SWT1: variants seen among roughly 807,000 people sequenced by gnomAD.
SWT1 encodes transcriptional protein SWT1.
Under a neutral mutation model 107.3 loss-of-function variants are expected in SWT1, and 33 were observed. That is an observed-to-expected ratio of 0.31 (90% CI 0.23 to 0.41). The LOEUF (loss-of-function observed/expected upper bound fraction) is 0.41. Among genes scored for constraint, SWT1 ranks in the 10% least tolerant of loss-of-function variants. The probability of loss-of-function intolerance (pLI) is 1.00; values close to 1 mark genes in which losing one functional copy is unlikely to be tolerated. For synonymous variants in SWT1, 345 were observed against 348.3 expected (o/e 0.99, Z 0.11); for missense variants, 898 against 1,028.9 (o/e 0.87, Z 1.74).
chr1:185,165,844 C>G (rs1654524655), intron 2 of SWT1, among the ~76,000 whole-genome samples: 2 of 152,032 alleles, frequency 1.3e-5, no homozygotes, highest in South Asian at 2.1e-4. Context: ...CCCCTTTGAG[C>G]TGAAAAAACT....
intron 16 of SWT1, among the ~76,000 whole-genome samples, chr1:185,241,892 G>A (rs1287566305): frequency 6.6e-6 from 1 of 152,172 alleles, no homozygotes; most frequent in East Asian, 1.9e-4. Flanking sequence ...CTGGAAGAGA[G>A]AGAGATTAAG....
intron 16 of SWT1, among the ~76,000 whole-genome samples, chr1:185,232,093 G>T (rs12045113): frequency 6.6e-6 from 1 of 151,946 alleles, no homozygotes; most frequent in East Asian, 1.9e-4. Context: ...AGGCATTTTT[G>T]CCTTGTTAAT....
At chr1:185,230,872 C>G (rs2102567508) in intron 15 of SWT1, among the ~76,000 whole-genome samples, 1 of 152,158 alleles carries the variant, frequency 6.6e-6, no homozygotes, top group East Asian at 1.9e-4. Flanking sequence ...CTTAGCCTCC[C>G]AAGTAGCTGG....
chr1:185,283,965 TATAATTATTTTCCA>T (rs1271474813), intron 18 of SWT1, among the ~76,000 whole-genome samples: 4 of 152,212 alleles, frequency 2.6e-5, no homozygotes, highest in African/African-American at 9.6e-5. Context: ...TTTGAATTCT[TATAATTATTTTCCA>T]TTTTGGGGGT....
intron 16 of SWT1, among the ~76,000 whole-genome samples, chr1:185,249,231 T>C (rs1661834090): frequency 6.6e-6 from 1 of 152,140 alleles, no homozygotes; most frequent in Non-Finnish European, 1.5e-5. Flanking sequence ...TCCCACCATA[T>C]GAGGTGGAAG....
At chr1:185,208,545 A>G (rs1374793068) in intron 13 of SWT1, among the ~76,000 whole-genome samples, 1 of 152,194 alleles carries the variant, frequency 6.6e-6, no homozygotes, top group Admixed American at 6.5e-5. Flanking sequence ...AAGGTCATAG[A>G]TATGCTAATT....
In SWT1 at chr1:185,191,805, A is replaced by C. The variant is rs12074509; in HGVS notation, c.1523+1163A>C. Among the ~76,000 whole-genome samples the C allele has an allele frequency of 9.7e-3, 1,471 of 152,276 alleles. 24 individuals are homozygous for C. The highest frequency in any genetic ancestry group is 0.033 in the African/African-American group (1,388 of 41,574). On this transcript the variant is annotated intron_variant, in intron 10 of 18. Transcript: ENST00000367500. Reference sequence around the variant, plus strand: ...AGCTTAGAATGAAAATTAAATTGACAAAACTTTATCAATTCTCCATTATTT... The same window carrying C: ...AGCTTAGAATGAAAATTAAATTGACCAAACTTTATCAATTCTCCATTATTT...
chr1:185,158,876 G>T (rs555156220), intron 1 of SWT1, among the ~76,000 whole-genome samples: 39 of 152,304 alleles, frequency 2.6e-4, no homozygotes, highest in Middle Eastern at 3.4e-3. Context: ...ATCTGGCTTT[G>T]GGTCTCCTGA....
Position 185,221,836 on chromosome 1 carries a change from C to A in SWT1, c.2122-13C>A. ...AGAACTAGCTGCATTTTATGTAATT[C>A]TTATTTCCCCAGGTCAAGACAAAAC... On this transcript the variant is annotated splice_polypyrimidine_tract_variant and intron_variant, in intron 14 of 18. Transcript: ENST00000367500. 6.6e-7 allele frequency: 1 copy of A among 1,525,820 alleles called. No individual in the cohort carries two copies. Among genetic ancestry groups the A allele is most frequent in the Non-Finnish European group, 8.8e-7 (1 of 1,139,312 alleles). The allele number at this position is 1,525,820 out of a possible 1,614,324, so 94.5% of individuals were successfully genotyped here. A position where few individuals can be genotyped will look rare whatever the true frequency, so the allele number is the denominator to read the frequency against.
At chr1:185,161,228 C>T (rs1211099209) in intron 2 of SWT1, among the ~76,000 whole-genome samples, 2 of 152,108 alleles carry the variant, frequency 1.3e-5, no homozygotes, top group Admixed American at 6.5e-5. Context: ...CCTTAAATCC[C>T]CTCATTCTTA....
chr1:185,213,555 A>G lies in SWT1; in HGVS notation c.1973-952A>G, dbSNP rs75771543. Among the ~76,000 whole-genome samples, 904 of 152,268 alleles carry G rather than the reference A, an allele frequency of 5.9e-3. 34 individuals carry two copies. The East Asian group carries it at 0.096, about 16-fold the overall frequency. On this transcript the variant is annotated intron_variant, in intron 13 of 18. Coordinates refer to ENST00000367500, the MANE Select transcript of SWT1 (RefSeq NM_017673.7). ...AAGTTCTTGTGTAAGTGATACAGAG[A>G]AACTCCTTATTGTTTTTTAAACTCA... is the stretch of plus-strand genomic sequence containing the variant.
At chr1:185,206,535 A>C in intron 12 of SWT1, 90 bp from the exon 13 acceptor site, 1 of 736,646 alleles carries the variant, frequency 1.4e-6, no homozygotes, top group East Asian at 3.1e-5. Flanking sequence ...TATTTTGCTC[A>C]AAATATATGT....
intron 18 of SWT1, among the ~76,000 whole-genome samples, chr1:185,287,380 G>A (rs1429335242): frequency 6.6e-6 from 1 of 152,132 alleles, no homozygotes; most frequent in Admixed American, 6.5e-5. Context: ...GCAACCTCCA[G>A]TTTTGAGCTC....
chr1:185,290,737 T>C lies in SWT1; in HGVS notation c.2637T>C (p.Asn879=), dbSNP rs1405673659. The change falls in exon 19 of 19, where the codon AAT becomes AAC. Residue 879 remains asparagine, a synonymous_variant. Coordinates refer to ENST00000367500, the MANE Select transcript of SWT1 (RefSeq NM_017673.7). ...TGGAATATACCATGCAGCAGTGCAA[T>C]GCATCTGTTTATATGGAGGCCAAAA... ...VEMEYTMQQC[N]ASVYMEAKNR... is the part of the protein sequence containing the mutation. 1 of 1,611,786 alleles carries C rather than the reference T, an allele frequency of 6.2e-7. No individual in the cohort carries two copies. The highest frequency in any genetic ancestry group is 8.5e-7 in the Non-Finnish European group (1 of 1,178,506).
At chr1:185,268,479 G>A (rs1337335546) in intron 16 of SWT1, among the ~76,000 whole-genome samples, 12 of 152,062 alleles carry the variant, frequency 7.9e-5, no homozygotes, top group African/African-American at 2.9e-4. Context: ...TTTCTTTCAT[G>A]CCCTCTTTAG....
chr1:185,191,250 C>T lies in SWT1; in HGVS notation c.1523+608C>T, dbSNP rs1656923770. Among the ~76,000 whole-genome samples, 3 of 152,062 alleles carry T rather than the reference C, an allele frequency of 2.0e-5. No individual in the cohort carries two copies. In the South Asian group the frequency reaches 6.2e-4, roughly 32 times the overall value. The stretch of plus-strand genomic sequence containing the variant: ...AAGTTTTCTCCCTCCTTCTCCCTTC[C>T]CCCTGCTTCTTCCCTCCCTACTAAT... On this transcript the variant is annotated intron_variant, in intron 10 of 18. Transcript: ENST00000367500.
intron 9 of SWT1, among the ~76,000 whole-genome samples, chr1:185,185,786 C>T (rs539913227): frequency 2.6e-5 from 4 of 152,102 alleles, no homozygotes; most frequent in Admixed American, 6.5e-5. Flanking sequence ...TTTGTTTAGT[C>T]TTAAAATTTT....
chr1:185,166,918 T>A (rs72741817), intron 3 of SWT1, among the ~76,000 whole-genome samples: 14,489 of 151,884 alleles, frequency 0.095, 906 homozygotes, highest in African/African-American at 0.18. Flanking sequence ...ATATATATAT[T>A]TTTTTTGAGA....
At chr1:185,209,233 T>C (rs1179397961) in intron 13 of SWT1, among the ~76,000 whole-genome samples, 1 of 152,084 alleles carries the variant, frequency 6.6e-6, no homozygotes, top group East Asian at 1.9e-4. Context: ...TTTATTTATT[T>C]ATTTATTATT....
Sources: gnomAD v4.1 joint callset for allele counts (sites outside exome capture counted in the v4.1 genomes callset) on GRCh38, gnomAD v4.1.1 for gene constraint, MANE v1.5 for transcripts, NCBI Gene and HGNC (gene_info 2026-07-23, HGNC 2026-07-21) for gene names.